The following CHSY3 variants were observed in gnomAD, a reference collection of about 807,000 sequenced individuals.
CHSY3 encodes N-acetylgalactosaminyl-proteoglycan 3-beta-glucuronosyltransferase 3.
CHSY3 carries 35 observed loss-of-function variants against 67.2 expected under a neutral mutation model. The ratio of observed to expected loss-of-function variants is 0.52; its 90% CI spans 0.40 to 0.69. The LOEUF is 0.69. Ranked by LOEUF, CHSY3 falls within the 30% of genes least tolerant of loss-of-function variation. The probability of loss-of-function intolerance (pLI) is 0.00; values close to 1 mark genes in which losing one functional copy is unlikely to be tolerated. For synonymous variants in CHSY3, 474 were observed against 434.7 expected, an observed-to-expected ratio of 1.09 and a Z score of -1.12; for missense variants, 1,069 against 1,138.5, an observed-to-expected ratio of 0.94 and a Z score of 0.88.
In CHSY3 at chr5:130,127,159, C is replaced by A. The variant is rs116064191; in HGVS notation, c.1087-57070C>A. On this transcript the variant is annotated intron_variant, in intron 2 of 2. Transcript: ENST00000305031. ...AATATACTGTAATGGACAAAAATGC[C>A]GTAACATGACTTAGTGTAGATCATG... Among the ~76,000 whole-genome samples the A allele has an allele frequency of 9.8e-3, 1,490 of 152,242 alleles. 29 individuals are homozygous for A. The highest frequency in any genetic ancestry group is 0.034 in the African/African-American group (1,417 of 41,540).
At chr5:130,171,488 A>G (rs1769892640) in intron 2 of CHSY3, among the ~76,000 whole-genome samples, 2 of 152,236 alleles carry the variant, frequency 1.3e-5, no homozygotes, top group Non-Finnish European at 2.9e-5. Flanking sequence ...TGTCCAAGAC[A>G]TCAGGTGTCC....
chr5:130,087,838 G>A (rs1394393169), intron 2 of CHSY3, among the ~76,000 whole-genome samples: 1 of 151,174 alleles, frequency 6.6e-6, no homozygotes, highest in Non-Finnish European at 1.5e-5. Context: ...AGCTACCAAT[G>A]ACTTTCTTCA....
intron 2 of CHSY3, among the ~76,000 whole-genome samples, chr5:130,127,805 A>G (rs1243935435): frequency 6.6e-6 from 1 of 152,124 alleles, no homozygotes; most frequent in East Asian, 1.9e-4. Context: ...GTTCTATTCT[A>G]AAGAATATTA....
chr5:130,148,777 C>T (rs1769149042), intron 2 of CHSY3, among the ~76,000 whole-genome samples: 1 of 151,752 alleles, frequency 6.6e-6, no homozygotes, highest in Non-Finnish European at 1.5e-5. Context: ...TGTTTAAGTT[C>T]CTTATAGATG....
At position 129,985,152 on chromosome 5, in the gene CHSY3, T is replaced by C. The variant is rs920186130; in HGVS notation, c.1086+76792T>C. On this transcript the variant is annotated intron_variant, in intron 2 of 2. Transcript: ENST00000305031. ...TTTTCTTCTAGAGTTTTTATAGTTT[T>C]AGGTTGTACATTTAAGCATTTAATT... 2.6e-4 allele frequency among the ~76,000 whole-genome samples: 39 copies of C among 152,178 alleles called. 1 individual carries two copies. Among genetic ancestry groups the C allele is most frequent in the Non-Finnish European group, 5.1e-4 (35 of 68,020 alleles).
chr5:129,909,452 A>G (rs1158539986), intron 2 of CHSY3, among the ~76,000 whole-genome samples: 2 of 151,976 alleles, frequency 1.3e-5, no homozygotes, highest in East Asian at 1.9e-4. Context: ...TAGTCTCACT[A>G]TAGTTAATTT....
rs780030899 is a variant in CHSY3, at chr5:129,904,892, C to T, written c.63C>T (p.Thr21=). ...SVALGLVLGF[T]AASWLIAPRV... ...CATTAGGGCTGGTGCTGGGCTTCAC[C>T]GCCGCGTCCTGGCTCATCGCCCCCA... The change falls in exon 1 of 3, where the codon ACC becomes ACT. Residue 21 remains threonine (T), a synonymous_variant. Transcript: ENST00000305031. 3.3e-6 allele frequency: 5 copies of T among 1,524,582 alleles called. No individual in the cohort carries two copies. The highest frequency in any genetic ancestry group is 2.6e-6 in the Non-Finnish European group (3 of 1,136,820). The allele number at this position is 1,524,582 out of a possible 1,614,324, so 94.4% of individuals were successfully genotyped here. A position where few individuals can be genotyped will look rare whatever the true frequency, so the allele number is the denominator to read the frequency against.
At chr5:130,161,051 C>T (rs1769527514) in intron 2 of CHSY3, among the ~76,000 whole-genome samples, 1 of 151,718 alleles carries the variant, frequency 6.6e-6, no homozygotes, top group Non-Finnish European at 1.5e-5. Flanking sequence ...ACTACAGGCA[C>T]CTACCACCAC....
intron 2 of CHSY3, among the ~76,000 whole-genome samples, chr5:129,990,678 A>G (rs1763336210): frequency 1.3e-5 from 2 of 152,154 alleles, no homozygotes; most frequent in African/African-American, 2.4e-5. Flanking sequence ...ATATAGTAGT[A>G]GATTGTACTT....
intron 2 of CHSY3, among the ~76,000 whole-genome samples, chr5:130,169,276 T>C (rs1375739283): frequency 2.0e-5 from 3 of 152,128 alleles, no homozygotes; most frequent in African/African-American, 7.2e-5. Flanking sequence ...CACTCTTAAA[T>C]ATTGACAATG....
intron 2 of CHSY3, among the ~76,000 whole-genome samples, chr5:129,994,358 G>A (rs181941130): frequency 2.1e-4 from 32 of 152,236 alleles, no homozygotes; most frequent in Non-Finnish European, 3.8e-4. Flanking sequence ...CCAATCAGAT[G>A]TAGATTTGGT....
chr5:130,023,398 C>G (rs1283763892), intron 2 of CHSY3, among the ~76,000 whole-genome samples: 1 of 151,972 alleles, frequency 6.6e-6, no homozygotes, highest in African/African-American at 2.4e-5. Context: ...TATACTTTTA[C>G]TTTTTCAGAG....
chr5:129,977,120 G>T (rs1050788561), intron 2 of CHSY3, among the ~76,000 whole-genome samples: 1 of 152,046 alleles, frequency 6.6e-6, no homozygotes, highest in African/African-American at 2.4e-5. Flanking sequence ...TTACTTAGAA[G>T]AAAGTCAGAG....
rs75402909 is a variant in CHSY3, at chr5:130,068,597, C to T, written c.1087-115632C>T. On this transcript the variant is annotated intron_variant, in intron 2 of 2. Transcript: ENST00000305031. Reference sequence around the variant, plus strand: ...AGGGTTGCCACAGAGCAAATGCATGCCCAAGCACAAAAGTGTGGTAGAAAA... The same window carrying T: ...AGGGTTGCCACAGAGCAAATGCATGTCCAAGCACAAAAGTGTGGTAGAAAA... Among the ~76,000 whole-genome samples the T allele has an allele frequency of 3.9e-3, 598 of 152,184 alleles. 15 individuals are homozygous for T. Among genetic ancestry groups the T allele is most frequent in the Admixed American group, 0.031 (474 of 15,250 alleles).
rs558273188 is a variant in CHSY3, at chr5:130,069,007, T to C, written c.1087-115222T>C. Among the ~76,000 whole-genome samples the C allele has an allele frequency of 1.2e-4, 18 of 152,266 alleles. 1 individual carries two copies. In the South Asian group the frequency reaches 1.4e-3, roughly 12 times the overall value. ...AAATATATATGTATTTCATTGTGTT[T>C]GTAAACATCTTGTCATAGAAAATCC... On this transcript the variant is annotated intron_variant, in intron 2 of 2. Transcript: ENST00000305031.
At chr5:129,929,159 A>T (rs1215944999) in intron 2 of CHSY3, among the ~76,000 whole-genome samples, 1 of 152,206 alleles carries the variant, frequency 6.6e-6, no homozygotes, top group Non-Finnish European at 1.5e-5. Context: ...GTCAGACAGT[A>T]AAGGCCCAGA....
chr5:129,930,961 T>C (rs1411929909), intron 2 of CHSY3, among the ~76,000 whole-genome samples: 1 of 152,200 alleles, frequency 6.6e-6, no homozygotes, highest in Non-Finnish European at 1.5e-5. Flanking sequence ...CACATCAGTC[T>C]TTCCATTTCA....
At chr5:130,042,852 C>T (rs1461148867) in intron 2 of CHSY3, among the ~76,000 whole-genome samples, 2 of 152,036 alleles carry the variant, frequency 1.3e-5, no homozygotes, top group African/African-American at 2.4e-5. Context: ...ACCTAACCCT[C>T]ATTAGTATAA....
intron 2 of CHSY3, among the ~76,000 whole-genome samples, chr5:130,030,996 T>G (rs1310088234): frequency 6.6e-6 from 1 of 152,088 alleles, no homozygotes; most frequent in Non-Finnish European, 1.5e-5. Context: ...TAGAGTATAG[T>G]GGGCTTATCC....
Sources: allele counts gnomAD v4.1 joint callset (sites outside exome capture counted in the v4.1 genomes callset), GRCh38; gene constraint gnomAD v4.1.1; transcripts MANE v1.5; gene names NCBI Gene and HGNC (gene_info 2026-07-23, HGNC 2026-07-21).